Variants in DNAH7 observed in about 807,000 individuals in gnomAD.
The protein encoded by DNAH7 is axonemal beta dynein heavy chain 7.
Under a neutral mutation model 444.6 loss-of-function variants are expected in DNAH7, and 397 were observed. The ratio of observed to expected loss-of-function variants is 0.89; its 90% CI spans 0.82 to 0.97. DNAH7 has a LOEUF of 0.97. DNAH7 is among the 50% of genes least tolerant of loss of function. DNAH7 has a pLI of 0.00. For missense variants in DNAH7, 4,902 were observed against 4,800.8 expected (o/e 1.02, Z -0.62); for synonymous variants, 1,636 against 1,624.4 (o/e 1.01, Z -0.17).
intron 19 of DNAH7, among the ~76,000 whole-genome samples, chr2:195,950,879 A>AAAAC (rs1559262968): frequency 4.1e-4 from 60 of 145,258 alleles, no homozygotes; most frequent in Non-Finnish European, 7.1e-4. Context: ...AAAAAAAAAA[A>AAAAC]CCCAGCTCCT....
At position 195,785,013 on chromosome 2, in the gene DNAH7, G is replaced by A. The variant is rs533308783; in HGVS notation, c.10878+1997C>T. Among the ~76,000 whole-genome samples the A allele has an allele frequency of 6.0e-5, 9 of 151,038 alleles. 1 individual carries two copies. In the South Asian group the frequency reaches 1.3e-3, roughly 21 times the overall value. Reference sequence around the variant, plus strand: ...TGCAAGCTCCGCCTCCCGGTTTCACGCCATTCTCCTGCCTCAGCCTCCCGA... The same window carrying A: ...TGCAAGCTCCGCCTCCCGGTTTCACACCATTCTCCTGCCTCAGCCTCCCGA... On this transcript the variant is annotated intron_variant, in intron 58 of 64. Coordinates refer to ENST00000312428, the MANE Select transcript of DNAH7 (RefSeq NM_018897.3).
At position 196,000,888 on chromosome 2, in the gene DNAH7, A is replaced by G. The variant is rs772287036; in HGVS notation, c.1174-5T>C. The G allele has an allele frequency of 6.4e-7, 1 of 1,554,018 alleles. No homozygotes were observed. Among genetic ancestry groups the G allele is most frequent in the Non-Finnish European group, 8.7e-7 (1 of 1,155,266 alleles). On this transcript the variant is annotated splice_region_variant and splice_polypyrimidine_tract_variant and intron_variant, in intron 11 of 64. Transcript: ENST00000312428. ...TTCAAAAGCTCTAACAGAATCCTGC[A>G]AAAAATTAAAAAATTTACATACATA...
chr2:195,999,246 T>C (rs770945784), intron 12 of DNAH7: 7 of 714,738 alleles, frequency 9.8e-6, no homozygotes, highest in African/African-American at 3.5e-5. Context: ...TGTTTCTCTG[T>C]AGAGGAAAAA....
chr2:195,989,811 G>T (rs1006103659), intron 12 of DNAH7, among the ~76,000 whole-genome samples: 3 of 152,094 alleles, frequency 2.0e-5, no homozygotes, highest in Non-Finnish European at 2.9e-5. Context: ...CTCCTGCCAC[G>T]TGAGACACCT....
At chr2:196,006,859 A>AC (rs965883106) in intron 10 of DNAH7, among the ~76,000 whole-genome samples, 2 of 152,134 alleles carry the variant, frequency 1.3e-5, no homozygotes, top group Non-Finnish European at 2.9e-5. Flanking sequence ...TTTTGTATTT[A>AC]CATTTAATAC....
intron 19 of DNAH7, among the ~76,000 whole-genome samples, chr2:195,950,025 C>T (rs1164569597): frequency 3.3e-5 from 5 of 152,068 alleles, no homozygotes; most frequent in East Asian, 3.9e-4. Context: ...TGAGGATTTT[C>T]GCATCAATGT....
At chr2:196,017,392 C>T (rs77539824) in intron 9 of DNAH7, among the ~76,000 whole-genome samples, 6,829 of 152,198 alleles carry the variant, frequency 0.045, 204 homozygotes, top group East Asian at 0.1. Context: ...AATCAGAACA[C>T]GGACAATTTT....
chr2:196,048,447 A>G, intron 3 of DNAH7, 43 bp from the exon 4 acceptor site: 1 of 1,559,410 alleles, frequency 6.4e-7, no homozygotes. Flanking sequence ...CAATATCAGA[A>G]AAAAACCTTT....
In DNAH7 at chr2:195,796,681, A is replaced by G; in HGVS notation, c.10410T>C (p.Ile3470=). 1 of 1,614,174 alleles carries G rather than the reference A, an allele frequency of 6.2e-7. No individual in the cohort carries two copies. The highest frequency in any genetic ancestry group is 8.5e-7 in the Non-Finnish European group (1 of 1,180,020). Residue 3470 remains isoleucine (I), a synonymous_variant, in exon 56 of 65, where the codon ATT becomes ATC. Coordinates refer to ENST00000312428, the MANE Select transcript of DNAH7 (RefSeq NM_018897.3). ...SLSLGQGQGP[I]AMKMLEKAVK... Reference sequence around the variant, plus strand: ...CAGCTTTTTCTAACATCTTCATAGCAATGGGCCCTTGGCCTTGACCAAGAG... The same window carrying G: ...CAGCTTTTTCTAACATCTTCATAGCGATGGGCCCTTGGCCTTGACCAAGAG...
chr2:195,952,879 G>A (rs1690362095), intron 19 of DNAH7, among the ~76,000 whole-genome samples: 1 of 152,128 alleles, frequency 6.6e-6, no homozygotes, highest in Non-Finnish European at 1.5e-5. Flanking sequence ...GTTAGAACAT[G>A]CTCCTTTAGC....
intron 5 of DNAH7, among the ~76,000 whole-genome samples, chr2:196,040,862 T>C (rs1696699232): frequency 6.6e-6 from 1 of 152,112 alleles, no homozygotes; most frequent in African/African-American, 2.4e-5. Flanking sequence ...GATAAATGAT[T>C]TCAGCAAAGC....
chr2:195,740,615 GTATATATATA>G (rs1238331047), intron 64 of DNAH7, 141 bp downstream of exon 64: 3,694 of 71,292 alleles, frequency 0.052, 72 homozygotes, highest in African/African-American at 0.11. Flanking sequence ...GTGTGTGTGT[GTATATATATA>G]TATATATATA....
intron 19 of DNAH7, among the ~76,000 whole-genome samples, chr2:195,956,202 G>A (rs559834791): frequency 1.6e-4 from 25 of 151,988 alleles, no homozygotes; most frequent in African/African-American, 3.6e-4. Flanking sequence ...CTATTTCAGG[G>A]TAAGACATTT....
At chr2:195,947,976 G>A (rs1689935270) in intron 19 of DNAH7, among the ~76,000 whole-genome samples, 1 of 152,026 alleles carries the variant, frequency 6.6e-6, no homozygotes, top group Non-Finnish European at 1.5e-5. Flanking sequence ...ACTTTTTAGT[G>A]ATCACCATTC....
At chr2:195,881,718 A>C (rs1303192495) in intron 36 of DNAH7, 77 bp downstream of exon 36, 21 of 1,435,454 alleles carry the variant, frequency 1.5e-5, no homozygotes, top group Non-Finnish European at 2.0e-5. Flanking sequence ...TTTTTAAAAA[A>C]TTATTTGTCT....
At chr2:195,752,793 CAG>C (rs1458478804) in intron 63 of DNAH7, among the ~76,000 whole-genome samples, 1 of 152,072 alleles carries the variant, frequency 6.6e-6, no homozygotes, top group South Asian at 2.1e-4. Context: ...AAGATGAAGA[CAG>C]AAGAGAATTC....
intron 24 of DNAH7, among the ~76,000 whole-genome samples, chr2:195,918,991 G>A (rs914008846): frequency 6.6e-6 from 1 of 152,026 alleles, no homozygotes; most frequent in Non-Finnish European, 1.5e-5. Context: ...TGGTTCAAGT[G>A]TGTAATCCCA....
chr2:196,024,337 T>C (rs1695550127), intron 8 of DNAH7, 92 bp downstream of exon 8: 2 of 788,754 alleles, frequency 2.5e-6, no homozygotes, highest in Non-Finnish European at 3.8e-6. Flanking sequence ...ATATAAATTA[T>C]AAACATACAT....
intron 22 of DNAH7, among the ~76,000 whole-genome samples, chr2:195,924,060 C>T (rs148413817): frequency 6.6e-6 from 1 of 152,200 alleles, no homozygotes; most frequent in African/African-American, 2.4e-5. Flanking sequence ...CTTCTCTATT[C>T]TCTGTGGTTT....
Sources: allele counts gnomAD v4.1 joint callset (sites outside exome capture counted in the v4.1 genomes callset), GRCh38; gene constraint gnomAD v4.1.1; transcripts MANE v1.5; gene names NCBI Gene and HGNC (gene_info 2026-07-23, HGNC 2026-07-21).